Variants in ADCY8 observed in about 807,000 individuals in gnomAD.
The protein encoded by ADCY8 is adenylate cyclase type 8.
In ADCY8, 51 loss-of-function variants were observed where a neutral mutation model predicts 119.7. The ratio of observed to expected loss-of-function variants is 0.43; its 90% confidence interval spans 0.34 to 0.54. ADCY8 has a LOEUF of 0.54. Among genes scored for constraint, ADCY8 ranks in the 20% least tolerant of loss-of-function variants. The pLI, the probability that ADCY8 is intolerant of heterozygous loss-of-function variation, is 0.03. For synonymous variants in ADCY8, 665 were observed against 651.0 expected, an observed-to-expected ratio of 1.02 and a Z score of -0.33; for missense variants, 1,383 against 1,598.8, an observed-to-expected ratio of 0.87 and a Z score of 2.30.
rs1170484408 is a variant in ADCY8, at chr8:130,849,903, C to A, written c.2211-100G>T. On this transcript the variant is annotated intron_variant, in intron 9 of 17. Transcript: ENST00000286355. ...CCTTTCCCATCCCTTGCATCGGATA[C>A]TTCTTTGAAAGTTCTGTTTGTCCAA... The A allele has an allele frequency of 3.4e-6, 4 of 1,169,498 alleles. No individual in the cohort carries two copies. In the East Asian group the frequency reaches 1.0e-4, roughly 30 times the overall value. 72.4% of individuals were successfully genotyped at this position (1,169,498 alleles called of 1,614,324 possible).
intron 1 of ADCY8, among the ~76,000 whole-genome samples, chr8:130,999,591 A>G (rs1311508029): frequency 6.6e-6 from 1 of 152,198 alleles, no homozygotes; most frequent in African/African-American, 2.4e-5. Context: ...CTGGTGCCAC[A>G]GGAAGTTGCA....
chr8:130,871,139 C>T (rs912967983), intron 8 of ADCY8, among the ~76,000 whole-genome samples: 14 of 152,170 alleles, frequency 9.2e-5, no homozygotes, highest in African/African-American at 3.1e-4. Flanking sequence ...CTAATTGGCT[C>T]AGAATGATAG....
chr8:130,849,625 A>T lies in ADCY8; in HGVS notation c.2389T>A (p.Phe797Ile). 6.2e-7 allele frequency: 1 copy of T among 1,613,986 alleles called. No individual in the cohort carries two copies. Among genetic ancestry groups the T allele is most frequent in the South Asian group, 1.1e-5 (1 of 91,076 alleles). The change falls in exon 10 of 18, where the codon TTC (phenylalanine) becomes ATC (isoleucine). Residue 797 changes from phenylalanine (F) to isoleucine (I), a missense_variant. Physicochemically the swap from Phe to Ile is conservative, Grantham distance 21 (BLOSUM62 0). Transcript: ENST00000286355. Reference sequence around the variant, plus strand: ...ACGATATTTAAGATGGCACCCAGGAAATTAATCAAAATGGATGCAAAGATG... The same window carrying T: ...ACGATATTTAAGATGGCACCCAGGATATTAATCAAAATGGATGCAAAGATG... ...VIIFASILIN[F>I]LGAILNILWC...
chr8:130,855,983 C>T (rs1174142118), intron 9 of ADCY8, among the ~76,000 whole-genome samples: 1 of 152,076 alleles, frequency 6.6e-6, no homozygotes, highest in Non-Finnish European at 1.5e-5. Context: ...TTAATGAAGA[C>T]TCCTCTGCCA....
At chr8:130,793,240 C>T (rs1815478179) in intron 15 of ADCY8, among the ~76,000 whole-genome samples, 1 of 152,160 alleles carries the variant, frequency 6.6e-6, no homozygotes, top group African/African-American at 2.4e-5. Context: ...CCAGGCCTCT[C>T]AGTAAGCCCT....
chr8:130,974,167 C>T (rs1396602703), intron 2 of ADCY8, among the ~76,000 whole-genome samples: 2 of 152,246 alleles, frequency 1.3e-5, no homozygotes, highest in South Asian at 2.1e-4. Flanking sequence ...TTTCCACCTC[C>T]CTAACTTCTG....
intron 9 of ADCY8, among the ~76,000 whole-genome samples, chr8:130,857,510 C>G (rs1817784854): frequency 6.6e-6 from 1 of 152,156 alleles, no homozygotes; most frequent in Non-Finnish European, 1.5e-5. Context: ...CGTAGCATTT[C>G]TCACTGTCTG....
chr8:130,792,724 A>T lies in ADCY8; in HGVS notation c.3061-7249T>A, dbSNP rs534394241. Among the ~76,000 whole-genome samples the T allele has an allele frequency of 2.6e-5, 4 of 152,304 alleles. No homozygotes were observed. The East Asian group carries it at 7.7e-4, about 29-fold the overall frequency. On this transcript the variant is annotated intron_variant, in intron 15 of 17. Coordinates refer to ENST00000286355, the MANE Select transcript of ADCY8 (RefSeq NM_001115.3). ...TTCTTTTATTGAAATAAGCCTCTTAATTGGCTCCCTTCTTCCACTCTTGAC... is the reference window on the plus strand; with the variant it reads ...TTCTTTTATTGAAATAAGCCTCTTATTTGGCTCCCTTCTTCCACTCTTGAC...
intron 2 of ADCY8, among the ~76,000 whole-genome samples, chr8:130,973,397 G>T (rs1821981434): frequency 6.6e-6 from 1 of 152,202 alleles, no homozygotes; most frequent in African/African-American, 2.4e-5. Context: ...CTTTTGCAAT[G>T]CTTGGAACCG....
intron 9 of ADCY8, among the ~76,000 whole-genome samples, chr8:130,866,151 T>C (rs962072857): frequency 6.6e-6 from 1 of 152,130 alleles, no homozygotes; most frequent in Non-Finnish European, 1.5e-5. Flanking sequence ...TTATTATAAA[T>C]ATAGTCCATG....
chr8:130,964,102 A>G (rs1231479853), intron 2 of ADCY8, among the ~76,000 whole-genome samples: 1 of 152,158 alleles, frequency 6.6e-6, no homozygotes, highest in Non-Finnish European at 1.5e-5. Context: ...CTCGTACGTC[A>G]TGTAGACCTG....
At chr8:130,898,311 C>T (rs1023498727) in intron 7 of ADCY8, among the ~76,000 whole-genome samples, 2 of 134,526 alleles carry the variant, frequency 1.5e-5, no homozygotes, top group African/African-American at 5.4e-5. Context: ...TCCCGACATG[C>T]TACCTGTCCC....
intron 5 of ADCY8, among the ~76,000 whole-genome samples, chr8:130,926,074 T>C (rs1463586953): frequency 6.6e-6 from 1 of 152,208 alleles, no homozygotes; most frequent in Non-Finnish European, 1.5e-5. Flanking sequence ...TATCGTACCC[T>C]AACCCTATTG....
intron 8 of ADCY8, among the ~76,000 whole-genome samples, chr8:130,873,098 A>G (rs1253984214): frequency 6.6e-6 from 1 of 152,142 alleles, no homozygotes; most frequent in East Asian, 1.9e-4. Flanking sequence ...TCGTTTACAG[A>G]GGTGATGGAC....
At chr8:131,030,827 T>C (rs1022039258) in intron 1 of ADCY8, among the ~76,000 whole-genome samples, 3 of 152,262 alleles carry the variant, frequency 2.0e-5, no homozygotes, top group African/African-American at 7.2e-5. Flanking sequence ...CATCCTTTCT[T>C]GCTGATAGAA....
At chr8:130,883,731 G>A (rs760837029) in intron 8 of ADCY8, among the ~76,000 whole-genome samples, 8 of 152,142 alleles carry the variant, frequency 5.3e-5, no homozygotes, top group Non-Finnish European at 8.8e-5. Context: ...AGGTCTGTCA[G>A]CTTCTATCAG....
chr8:130,796,695 G>A (rs949487297), intron 15 of ADCY8, among the ~76,000 whole-genome samples: 5 of 151,942 alleles, frequency 3.3e-5, no homozygotes, highest in East Asian at 1.9e-4. Context: ...AATTCAGGCC[G>A]CTTTTTTATT....
At chr8:130,841,912 C>A (rs1817155001) in intron 11 of ADCY8, among the ~76,000 whole-genome samples, 1 of 152,204 alleles carries the variant, frequency 6.6e-6, no homozygotes, top group Non-Finnish European at 1.5e-5. Context: ...AGAAGCTGCT[C>A]TGCTTCTTCT....
At chr8:130,948,783 C>T (rs911146213) in intron 3 of ADCY8, among the ~76,000 whole-genome samples, 1 of 151,980 alleles carries the variant, frequency 6.6e-6, no homozygotes, top group African/African-American at 2.4e-5. Context: ...GCTGGGGAAG[C>T]GGGTGGAGCA....
Sources: allele counts gnomAD v4.1 joint callset (sites outside exome capture counted in the v4.1 genomes callset), GRCh38; gene constraint gnomAD v4.1.1; transcripts MANE v1.5; gene names NCBI Gene and HGNC (gene_info 2026-07-23, HGNC 2026-07-21).